The following MGA variants were observed in gnomAD, a reference collection of about 807,000 sequenced individuals.
MGA encodes the protein MAX gene-associated protein.
A neutral mutation model predicts 261.1 loss-of-function variants in MGA; 40 were observed. That is an observed-to-expected ratio of 0.15 (90% CI 0.12 to 0.20). The LOEUF (loss-of-function observed/expected upper bound fraction) is 0.20, where lower values mean the gene tolerates loss of function less well. Among genes scored for constraint, MGA ranks in the 10% least tolerant of loss-of-function variants. The probability of loss-of-function intolerance (pLI) is 1.00; values close to 1 mark genes in which losing one functional copy is unlikely to be tolerated. For synonymous variants in MGA, 1,302 were observed against 1,290.6 expected (o/e 1.01, Z -0.19); for missense variants, 3,397 against 3,630.5 (o/e 0.94, Z 1.65).
intron 1 of MGA, among the ~76,000 whole-genome samples, chr15:41,660,902 G>A (rs1322642666): frequency 6.6e-6 from 1 of 152,176 alleles, no homozygotes; most frequent in African/African-American, 2.4e-5. Flanking sequence ...CTTCTCGCCC[G>A]GCGCCGGGCT....
In MGA at chr15:41,696,241, A is replaced by G. The variant is rs754832917; in HGVS notation, c.1231A>G (p.Thr411Ala). The G allele has an allele frequency of 5.6e-6, 9 of 1,613,846 alleles. No homozygotes were observed. The highest frequency in any genetic ancestry group is 1.1e-5 in the South Asian group (1 of 91,080). ...GAAACAGGAAGAGACAGATGAAGAG[A>G]CGGATGTATACTCAAACAGTGATGA... The change falls in exon 3 of 24, where the codon ACG (threonine) becomes GCG (alanine). Residue 411 changes from threonine to alanine, a missense_variant. By Grantham distance (58) the Thr-to-Ala change is moderately conservative. Coordinates refer to ENST00000219905, the MANE Select transcript of MGA (RefSeq NM_001164273.2).
intron 1 of MGA, among the ~76,000 whole-genome samples, chr15:41,651,020 A>G (rs191731286): frequency 1.3e-5 from 2 of 152,260 alleles, no homozygotes; most frequent in Non-Finnish European, 1.5e-5. Context: ...AGAGTATGGC[A>G]CTGGGATCTG....
intron 1 of MGA, among the ~76,000 whole-genome samples, chr15:41,633,400 C>T (rs190321484): frequency 0.013 from 1,981 of 147,418 alleles, 50 homozygotes; most frequent in African/African-American, 0.047. Context: ...GTTGCCCAGG[C>T]TGGAGTGCAG....
chr15:41,732,165 T>G (rs78427058), intron 11 of MGA, among the ~76,000 whole-genome samples: 1 of 151,514 alleles, frequency 6.6e-6, no homozygotes, highest in African/African-American at 2.4e-5. Context: ...TTTTTTTTTT[T>G]GGAGACGAAT....
At chr15:41,641,205 T>TA (rs1244734640) in intron 1 of MGA, among the ~76,000 whole-genome samples, 2 of 152,242 alleles carry the variant, frequency 1.3e-5, no homozygotes, top group African/African-American at 4.8e-5. Flanking sequence ...ATTGTGTTGA[T>TA]ACAGCACATT....
chr15:41,705,907 T>C (rs975782116), intron 5 of MGA, among the ~76,000 whole-genome samples: 1 of 152,228 alleles, frequency 6.6e-6, no homozygotes, highest in Non-Finnish European at 1.5e-5. Context: ...TTTTATTTGA[T>C]TGATGTTTTA....
intron 1 of MGA, among the ~76,000 whole-genome samples, chr15:41,637,012 A>C (rs1315609908): frequency 6.6e-6 from 1 of 152,142 alleles, no homozygotes; most frequent in Non-Finnish European, 1.5e-5. Context: ...AAGGCAAGAG[A>C]ATGACAATCA....
At chr15:41,730,452 A>T (rs1467016631) in intron 11 of MGA, among the ~76,000 whole-genome samples, 1 of 142,478 alleles carries the variant, frequency 7.0e-6, no homozygotes, top group Non-Finnish European at 1.5e-5. Context: ...AAGAAAAAAA[A>T]AAATGTAATT....
upstream of MGA, among the ~76,000 whole-genome samples, chr15:41,658,516 C>A (rs2057255659): frequency 1.3e-5 from 2 of 151,908 alleles, no homozygotes. Flanking sequence ...AAACTGGATC[C>A]CTGAAATGTG....
chr15:41,743,298 T>C (rs1219436075), intron 15 of MGA, 126 bp downstream of exon 15: 2 of 1,210,382 alleles, frequency 1.7e-6, no homozygotes, highest in Non-Finnish European at 2.3e-6. Context: ...ACATGATACA[T>C]GTATTCCTGA....
chr15:41,742,675 C>T lies in MGA; in HGVS notation c.4715C>T (p.Pro1572Leu). The change falls in exon 15 of 24, where the codon CCT becomes CTT. Residue 1572 changes from proline (P) to leucine (L), a missense_variant. This residue lies in a region of MGA where 1,410 missense variants were observed against 1,386.4 expected (regional missense o/e 1.02). Coordinates refer to ENST00000219905, the MANE Select transcript of MGA (RefSeq NM_001164273.2). ...GGGACACAGAAGTTCAGTATCAGAC[C>T]TTCTCCAGTAATGGTCGTCACACCT... The T allele has an allele frequency of 6.2e-7, 1 of 1,613,936 alleles. No individual in the cohort carries two copies. The highest frequency in any genetic ancestry group is 8.5e-7 in the Non-Finnish European group (1 of 1,179,868).
chr15:41,676,510 T>A (rs2058386237), intron 2 of MGA, among the ~76,000 whole-genome samples: 2 of 152,240 alleles, frequency 1.3e-5, no homozygotes, highest in South Asian at 4.1e-4. Flanking sequence ...TAGACAAATA[T>A]GAACAGTTTT....
chr15:41,732,558 A>G (rs2061566726), intron 11 of MGA, among the ~76,000 whole-genome samples: 1 of 152,190 alleles, frequency 6.6e-6, no homozygotes, highest in Non-Finnish European at 1.5e-5. Flanking sequence ...AGAACTGATA[A>G]ATTTTTAGAT....
chr15:41,713,024 A>G, intron 8 of MGA, 127 bp from the exon 9 acceptor site: 1 of 1,350,322 alleles, frequency 7.4e-7, no homozygotes, highest in African/African-American at 1.5e-5. Flanking sequence ...TGTCCTTTGA[A>G]TCTGCATTAG....
At chr15:41,752,616 G>T (rs1054315153) in intron 17 of MGA, among the ~76,000 whole-genome samples, 19 of 140,322 alleles carry the variant, frequency 1.4e-4, no homozygotes, top group Admixed American at 4.6e-4. Context: ...GTGCAGTGGT[G>T]CCATCTCGGC....
chr15:41,649,288 A>G (rs2056993158), intron 1 of MGA, among the ~76,000 whole-genome samples: 3 of 151,832 alleles, frequency 2.0e-5, no homozygotes, highest in Admixed American at 1.3e-4. Context: ...AGGCTGAGGC[A>G]GAGAATCGCT....
chr15:41,718,613 T>C, intron 9 of MGA: 1 of 315,078 alleles, frequency 3.2e-6, no homozygotes. Flanking sequence ...GTTTTGGGAT[T>C]TTTACATTGC....
chr15:41,653,713 TA>T lies in MGA; in HGVS notation c.-67-15100del, dbSNP rs755325703. 6.0e-3 allele frequency among the ~76,000 whole-genome samples: 760 copies of T among 125,742 alleles called. 1 individual carries two copies. Among genetic ancestry groups the T allele is most frequent in the Middle Eastern group, 0.02 (5 of 248 alleles). 82.5% of individuals were successfully genotyped at this position (125,742 alleles called of 152,430 possible). A position where few individuals can be genotyped will look rare whatever the true frequency, so the allele number is the denominator to read the frequency against. On this transcript the variant is annotated intron_variant, in intron 1 of 8. Coordinates refer to the MGA transcript ENST00000566718. ...GGAGACAGAGTGAGACCCCATCTCTTAAAAAAAAAAAAAAAGAAAAAAAAAA... is the reference window on the plus strand; with the variant it reads ...GGAGACAGAGTGAGACCCCATCTCTTAAAAAAAAAAAAAAGAAAAAAAAAA...
intron 18 of MGA, among the ~76,000 whole-genome samples, chr15:41,755,108 G>C (rs2063071491): frequency 6.6e-6 from 1 of 152,112 alleles, no homozygotes. Flanking sequence ...AAATATGAAA[G>C]GAATGATGAC....
Sources: gnomAD v4.1 joint callset for allele counts (sites outside exome capture counted in the v4.1 genomes callset) on GRCh38, gnomAD v4.1.1 for gene constraint, gnomAD v4.1.1 regional missense constraint, MANE v1.5 for transcripts, NCBI Gene and HGNC (gene_info 2026-07-23, HGNC 2026-07-21) for gene names.